Variants in ANKRD17 observed in about 807,000 individuals in gnomAD.
The protein encoded by ANKRD17 is ankyrin repeat domain-containing protein 17.
In ANKRD17, 19 loss-of-function variants were observed where a neutral mutation model predicts 229.7. That is an observed-to-expected ratio of 0.08 (90% CI 0.06 to 0.12). ANKRD17 has a LOEUF of 0.12. Among genes scored for constraint, ANKRD17 ranks in the 10% least tolerant of loss-of-function variants. ANKRD17 has a pLI of 1.00. For missense variants in ANKRD17, 2,176 were observed against 3,176.8 expected, an observed-to-expected ratio of 0.68 and a Z score of 7.57; for synonymous variants, 1,112 against 1,146.1, an observed-to-expected ratio of 0.97 and a Z score of 0.60.
At chr4:73,253,464 T>C (rs1745200823) in intron 1 of ANKRD17, among the ~76,000 whole-genome samples, 1 of 152,196 alleles carries the variant, frequency 6.6e-6, no homozygotes, top group Non-Finnish European at 1.5e-5. Flanking sequence ...ACGAGAAAAT[T>C]GTATTAACTC....
At chr4:73,233,039 A>G (rs1196246343) in intron 1 of ANKRD17, among the ~76,000 whole-genome samples, 1 of 152,148 alleles carries the variant, frequency 6.6e-6, no homozygotes, top group Non-Finnish European at 1.5e-5. Flanking sequence ...TCTTTTTAAC[A>G]TTATAAATGT....
chr4:73,216,714 C>T (rs1025652135), intron 1 of ANKRD17, among the ~76,000 whole-genome samples: 1 of 152,152 alleles, frequency 6.6e-6, no homozygotes, highest in Admixed American at 6.5e-5. Flanking sequence ...AATTTAAATA[C>T]TCAATAAAGG....
intron 27 of ANKRD17, among the ~76,000 whole-genome samples, chr4:73,094,724 GTA>G (rs34281628): frequency 8.8e-5 from 13 of 148,408 alleles, no homozygotes; most frequent in African/African-American, 2.5e-4. Context: ...GTATATATGT[GTA>G]TATATATATA....
chr4:73,081,032 C>T (rs568491084), intron 30 of ANKRD17, among the ~76,000 whole-genome samples: 1 of 152,344 alleles, frequency 6.6e-6, no homozygotes, highest in African/African-American at 2.4e-5. Context: ...TCTGCCACCC[C>T]TCTAGTCATA....
intron 27 of ANKRD17, among the ~76,000 whole-genome samples, chr4:73,096,144 A>G (rs1419819196): frequency 6.6e-6 from 1 of 152,238 alleles, no homozygotes; most frequent in Non-Finnish European, 1.5e-5. Flanking sequence ...TCTAAAAGGA[A>G]GGGCATGATC....
chr4:73,258,576 C>T lies in ANKRD17; in HGVS notation c.93G>A (p.Ala31=), dbSNP rs1275262379. The T allele has an allele frequency of 1.4e-6, 2 of 1,461,394 alleles. No individual in the cohort carries two copies. Among genetic ancestry groups the T allele is most frequent in the South Asian group, 2.8e-5 (2 of 72,526 alleles). The allele number at this position is 1,461,394 out of a possible 1,614,324, so 90.5% of individuals were successfully genotyped here. The change falls in exon 1 of 34, where the codon GCG becomes GCA. Residue 31 remains alanine, a synonymous_variant. Coordinates refer to ENST00000358602, the MANE Select transcript of ANKRD17 (RefSeq NM_032217.5). The part of the protein sequence containing the change: ...PAVAAVAGPP[A]AAEVGGGVGG... The stretch of plus-strand genomic sequence containing the variant: ...CAACGCCGCCGCCGACCTCCGCCGC[C>T]GCGGGGGGGCCCGCCACAGCCGCCA...
chr4:73,076,240 C>A lies in ANKRD17; in HGVS notation c.7803G>T (p.Gln2601His). ...AACAAGCTGATCCTCATCAGCCAAG[C>A]TGGTTCATATGCACACTGTTCATGT... is the stretch of plus-strand genomic sequence containing the variant. ...APHMNSVHMN[Q>H]LG The change falls in exon 34 of 34, where the codon CAG (glutamine) becomes CAT (histidine). Residue 2601 changes from glutamine to histidine, a missense_variant. Transcript: ENST00000358602. 6.2e-7 allele frequency: 1 copy of A among 1,610,086 alleles called. No homozygotes were observed. The highest frequency in any genetic ancestry group is 8.5e-7 in the Non-Finnish European group (1 of 1,178,262).
chr4:73,100,458 A>T (rs1033740691), intron 25 of ANKRD17, among the ~76,000 whole-genome samples: 3 of 143,480 alleles, frequency 2.1e-5, no homozygotes, highest in African/African-American at 7.9e-5. Flanking sequence ...TTACTTGAAT[A>T]AAAAAAAAAA....
At chr4:73,141,949 T>A in intron 13 of ANKRD17, 106 bp from the exon 14 acceptor site, 1 of 968,406 alleles carries the variant, frequency 1.0e-6, no homozygotes, top group South Asian at 1.8e-5. Context: ...ATTTTTAATA[T>A]GTCATCTTAG....
chr4:73,095,588 G>A (rs1427800981), intron 27 of ANKRD17, among the ~76,000 whole-genome samples: 11 of 115,886 alleles, frequency 9.5e-5, no homozygotes. Flanking sequence ...GGCAACAAGA[G>A]TAAAACTCCA....
chr4:73,077,671 T>C, intron 31 of ANKRD17, 138 bp from the exon 32 acceptor site: 1 of 715,216 alleles, frequency 1.4e-6, no homozygotes, highest in Non-Finnish European at 2.1e-6. Flanking sequence ...TTTACAGCAA[T>C]ATTTCCATGG....
At chr4:73,210,918 A>G (rs906628378) in intron 1 of ANKRD17, among the ~76,000 whole-genome samples, 14 of 152,092 alleles carry the variant, frequency 9.2e-5, no homozygotes, top group African/African-American at 3.4e-4. Context: ...TAATAACTGT[A>G]TATTACATAC....
intron 30 of ANKRD17, among the ~76,000 whole-genome samples, chr4:73,080,477 T>C (rs1331013000): frequency 6.6e-6 from 1 of 152,248 alleles, no homozygotes; most frequent in Non-Finnish European, 1.5e-5. Context: ...TCTGCAATTA[T>C]ACATGCAGTA....
chr4:73,092,236 T>G lies in ANKRD17; in HGVS notation c.5392A>C (p.Lys1798Gln). The G allele has an allele frequency of 1.9e-6, 3 of 1,614,236 alleles. No homozygotes were observed. Among genetic ancestry groups the G allele is most frequent in the Non-Finnish European group, 2.5e-6 (3 of 1,180,044 alleles). The change falls in exon 29 of 34, where the codon AAA becomes CAA. Residue 1798 changes from lysine to glutamine, a missense_variant. Lys to Gln is a moderately conservative substitution (Grantham distance 53). Coordinates refer to ENST00000358602, the MANE Select transcript of ANKRD17 (RefSeq NM_032217.5). Reference sequence around the variant, plus strand: ...TTTGGAATAAGTTCATCAATTTCTTTGTCTGGATCCTTGATCAAAGCATTA... The same window carrying G: ...TTTGGAATAAGTTCATCAATTTCTTGGTCTGGATCCTTGATCAAAGCATTA... Reference protein sequence around the residue: ...LINALIKDPDKEIDELIPKNR... With the variant: ...LINALIKDPDQEIDELIPKNR...
In ANKRD17 at chr4:73,237,601, T is replaced by C. The variant is rs542785376; in HGVS notation, c.393+20675A>G. Among the ~76,000 whole-genome samples the C allele has an allele frequency of 6.6e-5, 10 of 152,220 alleles. No homozygotes were observed. The East Asian group carries it at 1.7e-3, about 27-fold the overall frequency. ...AGGAGTCCACAAAGTGAGTTAGAGATACATTCTAAAGGTCCTGAGATTTAG... is the reference window on the plus strand; with the variant it reads ...AGGAGTCCACAAAGTGAGTTAGAGACACATTCTAAAGGTCCTGAGATTTAG... On this transcript the variant is annotated intron_variant, in intron 1 of 33. Transcript: ENST00000358602.
In ANKRD17 at chr4:73,141,587, A is replaced by AT. The variant is rs1370012511; in HGVS notation, c.2332+153dup. 4.6e-5 allele frequency among the ~76,000 whole-genome samples: 7 copies of AT among 152,124 alleles called. No individual in the cohort carries two copies. In the East Asian group the frequency reaches 9.6e-4, roughly 21 times the overall value. Reference sequence around the variant, plus strand: ...GTAGCACAAATTAGTGCTATTAACTATTTTTTTCTCCCAATAACATGCTTT... The same window carrying AT: ...GTAGCACAAATTAGTGCTATTAACTATTTTTTTTCTCCCAATAACATGCTTT... On this transcript the variant is annotated intron_variant, in intron 14 of 33. Transcript: ENST00000358602.
intron 1 of ANKRD17, among the ~76,000 whole-genome samples, chr4:73,185,183 A>G (rs1463298905): frequency 6.6e-6 from 1 of 150,886 alleles, no homozygotes; most frequent in Non-Finnish European, 1.5e-5. Flanking sequence ...CGAAGAAAAA[A>G]TAATAATAAA....
intron 11 of ANKRD17, among the ~76,000 whole-genome samples, chr4:73,142,971 C>A (rs1729799008): frequency 6.6e-6 from 1 of 152,042 alleles, no homozygotes. Context: ...TTGGATTATT[C>A]TAAAGTAAAT....
intron 2 of ANKRD17, among the ~76,000 whole-genome samples, chr4:73,167,337 G>C (rs1252409702): frequency 6.6e-6 from 1 of 152,044 alleles, no homozygotes; most frequent in Non-Finnish European, 1.5e-5. Context: ...TAGGGGGAAG[G>C]CTAGCTTGTT....
Sources: gnomAD v4.1 joint callset for allele counts (sites outside exome capture counted in the v4.1 genomes callset) on GRCh38, gnomAD v4.1.1 for gene constraint, MANE v1.5 for transcripts, NCBI Gene and HGNC (gene_info 2026-07-23, HGNC 2026-07-21) for gene names.